The following MGST2 variants were observed in gnomAD, a reference collection of about 807,000 sequenced individuals.
The protein encoded by MGST2 is microsomal glutathione S-transferase 2.
MGST2 carries 9 observed loss-of-function variants against 16.6 expected under a neutral mutation model. That is an observed-to-expected ratio of 0.54 (90% CI 0.33 to 0.95). MGST2 has a LOEUF of 0.95. Among genes scored for constraint, MGST2 ranks in the 40% least tolerant of loss-of-function variants. The pLI is 0.03. For synonymous variants in MGST2, 79 were observed against 68.0 expected, an observed-to-expected ratio of 1.16 and a Z score of -0.79; for missense variants, 159 against 175.1, an observed-to-expected ratio of 0.91 and a Z score of 0.52.
At chr4:139,678,249 A>G (rs1038857180) in intron 1 of MGST2, among the ~76,000 whole-genome samples, 12 of 152,206 alleles carry the variant, frequency 7.9e-5, no homozygotes, top group African/African-American at 2.9e-4. Flanking sequence ...CTCTTAGGGA[A>G]ATACCTATGA....
Position 139,715,801 on chromosome 4 carries a change from C to T in MGST2, c.*48+11605C>T, listed in dbSNP as rs2110938394. Among the ~76,000 whole-genome samples the T allele has an allele frequency of 6.6e-6, 1 of 152,294 alleles. No individual in the cohort carries two copies. Among genetic ancestry groups the T allele is most frequent in the African/African-American group, 2.4e-5 (1 of 41,560 alleles). On this transcript the variant is annotated intron_variant, in intron 5 of 5. Transcript: ENST00000616265. The surrounding 1 kb of genome is among the most constrained non-coding windows in gnomAD (Gnocchi z 4.4). ...GGTTTTGGTGGGCTTTGGCTGGCTC[C>T]TTTACTGCAAACTGTTTTATCAGCA...
intron 5 of MGST2, chr4:139,731,036 T>G: frequency 4.2e-6 from 1 of 236,042 alleles, no homozygotes; most frequent in African/African-American, 2.2e-5. Context: ...ACGAGACACA[T>G]CCTGACCTCA....
In MGST2 at chr4:139,666,097, C is replaced by CGTGTGTGTGCGCGTGTGTGCGTGTGT; in HGVS notation, c.58+30_58+55dup. The CGTGTGTGTGCGCGTGTGTGCGTGTGT allele has an allele frequency of 6.7e-7, 1 of 1,482,532 alleles. No individual in the cohort carries two copies. The highest frequency in any genetic ancestry group is 9.1e-7 in the Non-Finnish European group (1 of 1,102,044). The allele number at this position is 1,482,532 out of a possible 1,614,324, so 91.8% of individuals were successfully genotyped here. A position where few individuals can be genotyped will look rare whatever the true frequency, so the allele number is the denominator to read the frequency against. ...AGCAAAGTAAGAGGCATGGGAAGTTCGTGTGTGTGCGCGTGTGTGCGTGTG... is the reference window on the plus strand; with the variant it reads ...AGCAAAGTAAGAGGCATGGGAAGTTCGTGTGTGTGCGCGTGTGTGCGTGTGTGTGTGTGTGCGCGTGTGTGCGTGTG... On this transcript the variant is annotated intron_variant, in intron 1 of 4. Transcript: ENST00000265498.
chr4:139,673,872 TATTTC>T (rs1387424463), intron 1 of MGST2, among the ~76,000 whole-genome samples: 1 of 152,116 alleles, frequency 6.6e-6, no homozygotes, highest in Non-Finnish European at 1.5e-5. Context: ...GGCAGGGGTA[TATTTC>T]AGGAAAGCAG....
At chr4:139,691,923 A>C (rs1328417264) in intron 2 of MGST2, among the ~76,000 whole-genome samples, 1 of 152,118 alleles carries the variant, frequency 6.6e-6, no homozygotes, top group Non-Finnish European at 1.5e-5. Flanking sequence ...GACGGTCTCG[A>C]TCTCCTGACC....
At chr4:139,674,482 T>C (rs1463245549) in intron 1 of MGST2, among the ~76,000 whole-genome samples, 5 of 151,846 alleles carry the variant, frequency 3.3e-5, no homozygotes, top group African/African-American at 7.3e-5. Flanking sequence ...TTTTTTTTTT[T>C]CTTTTTTTAT....
At chr4:139,711,392 G>C (rs345972) in intron 5 of MGST2, among the ~76,000 whole-genome samples, 74,020 of 151,892 alleles carry the variant, frequency 0.49, 21,120 homozygotes, top group Non-Finnish European at 0.64. Context: ...TAAAAGAATG[G>C]CTACTCCATA....
At position 139,733,680 on chromosome 4, in the gene MGST2, T is replaced by C. The variant is rs1728815199; in HGVS notation, c.*49-6532T>C. Among the ~76,000 whole-genome samples, 5 of 152,174 alleles carry C rather than the reference T, an allele frequency of 3.3e-5. No homozygotes were observed. In the South Asian group the frequency reaches 1.0e-3, roughly 32 times the overall value. The stretch of plus-strand genomic sequence containing the variant: ...ACCTACAGGCAGGAAGGGCTGTATG[T>C]ATTATTTTATGATTATTTTTTAGAG... On this transcript the variant is annotated intron_variant, in intron 5 of 5. Transcript: ENST00000616265.
At chr4:139,734,934 C>T (rs1728873785) in intron 5 of MGST2, among the ~76,000 whole-genome samples, 1 of 152,222 alleles carries the variant, frequency 6.6e-6, no homozygotes, top group African/African-American at 2.4e-5. Context: ...CGTCCCTCGC[C>T]GGGGCAACGC....
chr4:139,666,685 G>A (rs760134443), intron 1 of MGST2, among the ~76,000 whole-genome samples: 1 of 152,124 alleles, frequency 6.6e-6, no homozygotes, highest in Non-Finnish European at 1.5e-5. Flanking sequence ...TACTCCATGG[G>A]AGTCACATTT....
At chr4:139,719,595 A>T (rs1463751198) in intron 5 of MGST2, 2 of 1,613,362 alleles carry the variant, frequency 1.2e-6, no homozygotes, top group Non-Finnish European at 8.5e-7. Context: ...CTCAGGCCAG[A>T]CATGACCATT....
At chr4:139,714,415 A>G (rs1727858326) in intron 5 of MGST2, among the ~76,000 whole-genome samples, 1 of 152,206 alleles carries the variant, frequency 6.6e-6, no homozygotes, top group Non-Finnish European at 1.5e-5. Context: ...TTTTGCCAGC[A>G]TGCTAAGCTT....
intron 5 of MGST2, among the ~76,000 whole-genome samples, chr4:139,716,505 A>G (rs1727966220): frequency 6.6e-6 from 1 of 152,200 alleles, no homozygotes; most frequent in Non-Finnish European, 1.5e-5. Context: ...GTTCCATGCA[A>G]AGTTGACTTT....
chr4:139,710,729 T>C (rs1560760623), intron 5 of MGST2, among the ~76,000 whole-genome samples: 1 of 152,228 alleles, frequency 6.6e-6, no homozygotes, highest in Non-Finnish European at 1.5e-5. Context: ...TTCTTTCTTT[T>C]GGTTTGTGTA....
intron 2 of MGST2, among the ~76,000 whole-genome samples, chr4:139,686,623 T>G (rs1731585496): frequency 6.6e-6 from 1 of 152,252 alleles, no homozygotes; most frequent in Admixed American, 6.5e-5. Context: ...AGTAACTTTT[T>G]GCTTTCATTG....
downstream of MGST2, among the ~76,000 whole-genome samples, chr4:139,744,477 G>T (rs1209066957): frequency 6.6e-6 from 1 of 152,204 alleles, no homozygotes; most frequent in East Asian, 1.9e-4. Flanking sequence ...TCACTGCATG[G>T]CTAACATGCA....
At chr4:139,698,034 C>A in intron 3 of MGST2, 1 of 642,874 alleles carries the variant, frequency 1.6e-6, no homozygotes, top group Non-Finnish European at 2.7e-6. Flanking sequence ...TACTTAGGTA[C>A]CTTTTGACCC....
chr4:139,691,780 G>A (rs914431505), intron 2 of MGST2, among the ~76,000 whole-genome samples: 15 of 152,042 alleles, frequency 9.9e-5, no homozygotes, highest in African/African-American at 3.1e-4. Context: ...CTCACTGCAA[G>A]CTCCGCCTCC....
Position 139,703,486 on chromosome 4 carries a change from A to G in MGST2, c.261A>G (p.Ile87Met). Residue 87 changes from isoleucine to methionine, a missense_variant, in exon 4 of 5, where the codon ATA becomes ATG. By Grantham distance (10) the Ile-to-Met change is conservative. Coordinates refer to ENST00000265498, the MANE Select transcript of MGST2 (RefSeq NM_002413.5). ...CTACTTGTCTGGGTCTGGTGTACAT[A>G]TATGGCCGTCACCTATACTTCTGGG... ...VFATCLGLVY[I>M]YGRHLYFWGY... 6.2e-7 allele frequency: 1 copy of G among 1,613,818 alleles called. No individual in the cohort carries two copies. The highest frequency in any genetic ancestry group is 8.5e-7 in the Non-Finnish European group (1 of 1,179,956).
Sources: allele counts gnomAD v4.1 joint callset (sites outside exome capture counted in the v4.1 genomes callset), GRCh38; gene constraint gnomAD v4.1.1; non-coding constraint Gnocchi (gnomAD v3.1); transcripts MANE v1.5; gene names NCBI Gene and HGNC (gene_info 2026-07-23, HGNC 2026-07-21).